KLHL29: variants seen among roughly 807,000 people sequenced by gnomAD.
The protein encoded by KLHL29 is kelch-like protein 29.
KLHL29 carries 21 observed loss-of-function variants against 80.4 expected under a neutral mutation model. That is an observed-to-expected ratio of 0.26 (90% CI 0.19 to 0.38). The LOEUF is 0.38. KLHL29 is among the 10% of genes least tolerant of loss of function. The pLI is 1.00. For synonymous variants in KLHL29, 511 were observed against 526.8 expected, an observed-to-expected ratio of 0.97 and a Z score of 0.41; for missense variants, 867 against 1,223.9, an observed-to-expected ratio of 0.71 and a Z score of 4.35.
At chr2:23,632,661 G>T (rs1454040777) in intron 3 of KLHL29, among the ~76,000 whole-genome samples, 2 of 152,202 alleles carry the variant, frequency 1.3e-5, no homozygotes, top group African/African-American at 4.8e-5. Flanking sequence ...AGCACTGTGC[G>T]AATTTGCTCT....
chr2:23,530,062 G>A (rs1455310871), intron 2 of KLHL29, among the ~76,000 whole-genome samples: 1 of 152,174 alleles, frequency 6.6e-6, no homozygotes, highest in African/African-American at 2.4e-5. Context: ...AGGGCTGGAA[G>A]GGCAGTTGCT....
chr2:23,593,276 A>G (rs1668314049), intron 3 of KLHL29, among the ~76,000 whole-genome samples: 2 of 152,138 alleles, frequency 1.3e-5, no homozygotes, highest in African/African-American at 2.4e-5. Flanking sequence ...ACTGATCCCA[A>G]TGTTTTATTT....
intron 2 of KLHL29, among the ~76,000 whole-genome samples, chr2:23,534,501 G>A (rs889529161): frequency 5.3e-5 from 8 of 151,468 alleles, no homozygotes; most frequent in Non-Finnish European, 1.2e-4. Context: ...CCACCTCCGA[G>A]AAGCCTTCCT....
In KLHL29 at chr2:23,511,282, G is replaced by A. The variant is rs374249503; in HGVS notation, c.-46+35615G>A. On this transcript the variant is annotated intron_variant, in intron 2 of 13. Coordinates refer to ENST00000486442, the MANE Select transcript of KLHL29 (RefSeq NM_052920.2). ...CAGTGGTGCCCCCTGAAGTGCCATC[G>A]CATGGGTAAATAAAGGGTACAGCAC... Among the ~76,000 whole-genome samples, 12 of 152,280 alleles carry A rather than the reference G, an allele frequency of 7.9e-5. No homozygotes were observed. In the East Asian group the frequency reaches 1.5e-3, roughly 20 times the overall value.
chr2:23,525,474 C>T (rs554093924), intron 2 of KLHL29, among the ~76,000 whole-genome samples: 10 of 152,340 alleles, frequency 6.6e-5, no homozygotes, highest in African/African-American at 1.9e-4. Flanking sequence ...AAATGGTGGC[C>T]GGAGCTTGCT....
chr2:23,629,601 A>G (rs922586184), intron 3 of KLHL29, among the ~76,000 whole-genome samples: 1 of 152,166 alleles, frequency 6.6e-6, no homozygotes, highest in Non-Finnish European at 1.5e-5. Context: ...GGGGGCCCGG[A>G]CAGGGCACAT....
intron 3 of KLHL29, among the ~76,000 whole-genome samples, chr2:23,622,614 T>A (rs1229049675): frequency 6.6e-6 from 1 of 152,162 alleles, no homozygotes; most frequent in African/African-American, 2.4e-5. Context: ...AGCCCTGAAG[T>A]CAGTGCAGGG....
chr2:23,414,849 T>G (rs954542169), intron 1 of KLHL29, among the ~76,000 whole-genome samples: 1 of 152,220 alleles, frequency 6.6e-6, no homozygotes, highest in African/African-American at 2.4e-5. Context: ...CTGTCCTTAT[T>G]CTGAGACTGT....
intron 2 of KLHL29, chr2:23,532,440 A>C: frequency 2.5e-6 from 1 of 400,332 alleles, no homozygotes; most frequent in South Asian, 1.9e-5. Flanking sequence ...TGGGGAGCCC[A>C]CGCACCCTCT....
At chr2:23,543,233 G>A (rs1666893396) in intron 2 of KLHL29, among the ~76,000 whole-genome samples, 1 of 152,284 alleles carries the variant, frequency 6.6e-6, no homozygotes, top group East Asian at 1.9e-4. Flanking sequence ...TTCTGCACAT[G>A]TCGGCAAGAA....
At chr2:23,524,618 G>A (rs72784288) in intron 2 of KLHL29, among the ~76,000 whole-genome samples, 5,571 of 152,318 alleles carry the variant, frequency 0.037, 151 homozygotes, top group African/African-American at 0.077. Flanking sequence ...GAGAGGGGGT[G>A]GGTGGAGGGA....
chr2:23,526,846 C>T (rs1666336950), intron 2 of KLHL29, among the ~76,000 whole-genome samples: 2 of 152,172 alleles, frequency 1.3e-5, no homozygotes, highest in Non-Finnish European at 2.9e-5. Flanking sequence ...CTGATGAACG[C>T]TGCATGCACA....
intron 3 of KLHL29, among the ~76,000 whole-genome samples, chr2:23,635,651 C>T (rs1271626265): frequency 6.6e-6 from 1 of 152,196 alleles, no homozygotes; most frequent in Non-Finnish European, 1.5e-5. Flanking sequence ...ATGATGCATC[C>T]CATTAGCATC....
intron 5 of KLHL29, chr2:23,671,924 G>C (rs1670776472): frequency 6.6e-6 from 1 of 152,414 alleles, no homozygotes; most frequent in Non-Finnish European, 1.5e-5. Context: ...CCAATTCCCA[G>C]CCTCATTCCC....
intron 13 of KLHL29, among the ~76,000 whole-genome samples, chr2:23,704,521 C>T (rs1029107220): frequency 6.6e-6 from 1 of 152,212 alleles, no homozygotes; most frequent in Non-Finnish European, 1.5e-5. Context: ...AATCCCAGCA[C>T]TTTGGGAGGC....
chr2:23,668,399 G>T (rs1476539013), intron 5 of KLHL29: 1 of 152,188 alleles, frequency 6.6e-6, no homozygotes, highest in Non-Finnish European at 1.5e-5. Context: ...TTTCGGAGTG[G>T]GGAGCAAGTC....
intron 6 of KLHL29, among the ~76,000 whole-genome samples, chr2:23,687,016 A>G (rs1347582927): frequency 6.6e-6 from 1 of 152,090 alleles, no homozygotes; most frequent in Non-Finnish European, 1.5e-5. Context: ...CTTGGTGGTC[A>G]AGAGAGAAGC....
At chr2:23,550,438 G>A (rs1158657638) in intron 2 of KLHL29, among the ~76,000 whole-genome samples, 2 of 152,196 alleles carry the variant, frequency 1.3e-5, no homozygotes, top group South Asian at 2.1e-4. Context: ...TGAAAGGTTC[G>A]TTCCACAAAT....
intron 3 of KLHL29, among the ~76,000 whole-genome samples, chr2:23,634,440 CCTAG>C (rs988808552): frequency 4.6e-5 from 7 of 152,320 alleles, no homozygotes; most frequent in African/African-American, 1.7e-4. Flanking sequence ...TCGAATCCTG[CCTAG>C]CTTTTGTGGC....
Sources: allele counts gnomAD v4.1 joint callset (sites outside exome capture counted in the v4.1 genomes callset), GRCh38; gene constraint gnomAD v4.1.1; transcripts MANE v1.5; gene names NCBI Gene and HGNC (gene_info 2026-07-23, HGNC 2026-07-21).